PCCA: variants seen among roughly 807,000 people sequenced by gnomAD.
The protein encoded by PCCA is propionyl-CoA carboxylase alpha chain, mitochondrial.
PCCA carries 74 observed loss-of-function variants against 101.3 expected under a neutral mutation model. That is an observed-to-expected ratio of 0.73 (90% CI 0.61 to 0.89). The LOEUF is 0.89. Among genes scored for constraint, PCCA ranks in the 40% least tolerant of loss-of-function variants. PCCA has a pLI of 0.00. For missense variants in PCCA, 891 were observed against 907.0 expected (o/e 0.98, Z 0.23); for synonymous variants, 294 against 313.6 (o/e 0.94, Z 0.66).
At chr13:100,133,836 A>G (rs1223572669) in intron 4 of PCCA, among the ~76,000 whole-genome samples, 3 of 152,168 alleles carry the variant, frequency 2.0e-5, no homozygotes, top group Non-Finnish European at 4.4e-5. Flanking sequence ...AGCAGGCAGA[A>G]GAGTGTGGAA....
intron 6 of PCCA, among the ~76,000 whole-genome samples, chr13:100,167,330 C>CT (rs2055147952): frequency 6.6e-6 from 1 of 152,048 alleles, no homozygotes; most frequent in South Asian, 2.1e-4. Context: ...AGGTGGATCT[C>CT]TTGAGTCCAA....
chr13:100,327,273 G>A (rs1299184957), intron 16 of PCCA, among the ~76,000 whole-genome samples: 1 of 152,082 alleles, frequency 6.6e-6, no homozygotes, highest in Non-Finnish European at 1.5e-5. Flanking sequence ...TTCTGTCACT[G>A]TAGGCTCGTT....
chr13:100,150,916 A>G (rs1246519880), intron 4 of PCCA: 6 of 1,548,580 alleles, frequency 3.9e-6, no homozygotes, highest in Non-Finnish European at 5.3e-6. Flanking sequence ...TCCTATATAT[A>G]ACGTAACCTT....
At chr13:100,154,739 G>A (rs1006297316) in intron 4 of PCCA, 3 of 487,106 alleles carry the variant, frequency 6.2e-6, no homozygotes, top group Non-Finnish European at 1.1e-5. Flanking sequence ...TAAAGAGATA[G>A]GGGATATTAT....
At chr13:100,252,224 T>C (rs1037654359) in intron 8 of PCCA, among the ~76,000 whole-genome samples, 3 of 152,204 alleles carry the variant, frequency 2.0e-5, no homozygotes, top group African/African-American at 7.2e-5. Context: ...TTCAACTTCC[T>C]GAAATATCTT....
chr13:100,144,160 A>G (rs2052250849), intron 4 of PCCA, among the ~76,000 whole-genome samples: 1 of 152,120 alleles, frequency 6.6e-6, no homozygotes, highest in Admixed American at 6.5e-5. Flanking sequence ...GCTTTTCATG[A>G]TTACCTTCAA....
intron 8 of PCCA, among the ~76,000 whole-genome samples, chr13:100,238,662 C>G (rs1196130469): frequency 6.6e-6 from 1 of 152,182 alleles, no homozygotes; most frequent in East Asian, 1.9e-4. Flanking sequence ...CTGAAAATCT[C>G]TTCTGAATCA....
At chr13:100,519,180 A>T (rs2087048333) in intron 22 of PCCA, among the ~76,000 whole-genome samples, 1 of 152,236 alleles carries the variant, frequency 6.6e-6, no homozygotes, top group Non-Finnish European at 1.5e-5. Flanking sequence ...CATCAGAAAT[A>T]CTCATTTAAT....
chr13:100,319,347 C>G (rs964657690), intron 16 of PCCA, among the ~76,000 whole-genome samples: 2 of 151,958 alleles, frequency 1.3e-5, no homozygotes, highest in Admixed American at 1.3e-4. Context: ...TAATTAGATC[C>G]CATTTGTCAA....
intron 2 of PCCA, among the ~76,000 whole-genome samples, chr13:100,107,796 T>C (rs1251283724): frequency 1.3e-5 from 2 of 152,204 alleles, no homozygotes; most frequent in African/African-American, 2.4e-5. Context: ...CATTACCTGA[T>C]AGATGAGATA....
At chr13:100,506,399 C>T (rs1262425487) in intron 21 of PCCA, among the ~76,000 whole-genome samples, 6 of 90,784 alleles carry the variant, frequency 6.6e-5, no homozygotes, top group African/African-American at 8.1e-5. Context: ...GCGGGGGCGG[C>T]GGGGGTTTCA....
chr13:100,441,861 G>A (rs2080390585), intron 20 of PCCA, among the ~76,000 whole-genome samples: 1 of 152,050 alleles, frequency 6.6e-6, no homozygotes, highest in African/African-American at 2.4e-5. Flanking sequence ...TTCTAAAACT[G>A]AATTATCTTA....
At chr13:100,099,675 C>T (rs1463204557) in intron 1 of PCCA, among the ~76,000 whole-genome samples, 1 of 151,880 alleles carries the variant, frequency 6.6e-6, no homozygotes, top group Non-Finnish European at 1.5e-5. Flanking sequence ...GGATTTGTTT[C>T]CCTGTTTGCA....
chr13:100,383,338 A>T (rs146321518), intron 19 of PCCA, among the ~76,000 whole-genome samples: 9 of 151,882 alleles, frequency 5.9e-5, no homozygotes, highest in Admixed American at 5.9e-4. Context: ...GAGCAATATA[A>T]GATTTGAGAC....
chr13:100,124,908 G>A (rs1386628763), intron 4 of PCCA, among the ~76,000 whole-genome samples: 2 of 151,986 alleles, frequency 1.3e-5, no homozygotes, highest in South Asian at 2.1e-4. Flanking sequence ...AACCTCAAAC[G>A]CATTTTTTCT....
intron 6 of PCCA, among the ~76,000 whole-genome samples, chr13:100,174,081 G>A (rs544277029): frequency 6.6e-6 from 1 of 152,134 alleles, no homozygotes; most frequent in South Asian, 2.1e-4. Context: ...TTGGAGGATT[G>A]TCAGATACTA....
chr13:100,245,900 T>C (rs556758735), intron 8 of PCCA, among the ~76,000 whole-genome samples: 180 of 152,288 alleles, frequency 1.2e-3, no homozygotes, highest in African/African-American at 4.3e-3. Flanking sequence ...GGAAATAATT[T>C]TGGGACCAAT....
intron 21 of PCCA, among the ~76,000 whole-genome samples, chr13:100,497,496 G>A (rs2085359229): frequency 6.7e-6 from 1 of 149,820 alleles, no homozygotes; most frequent in South Asian, 2.1e-4. Flanking sequence ...GTGGCAGTAA[G>A]TACTGACTTA....
At chr13:100,424,091 C>G (rs879419485) in intron 19 of PCCA, among the ~76,000 whole-genome samples, 1 of 152,186 alleles carries the variant, frequency 6.6e-6, no homozygotes, top group African/African-American at 2.4e-5. Flanking sequence ...TGAATAGGTA[C>G]TGCCTTTTTT....
Sources: allele counts gnomAD v4.1 joint callset (sites outside exome capture counted in the v4.1 genomes callset), GRCh38; gene constraint gnomAD v4.1.1; transcripts MANE v1.5; gene names NCBI Gene and HGNC (gene_info 2026-07-23, HGNC 2026-07-21).